Variants in WDR43 observed in about 807,000 individuals in gnomAD.
The protein encoded by WDR43 is WD repeat domain 43.
In WDR43, 13 loss-of-function variants were observed where a neutral mutation model predicts 91.4. The ratio of observed to expected loss-of-function variants is 0.14; its 90% CI spans 0.09 to 0.23. WDR43 has a LOEUF of 0.23. WDR43 is among the 10% of genes least tolerant of loss of function. WDR43 has a pLI of 1.00. For synonymous variants in WDR43, 331 were observed against 287.9 expected, an observed-to-expected ratio of 1.15 and a Z score of -1.51; for missense variants, 780 against 809.4, an observed-to-expected ratio of 0.96 and a Z score of 0.44.
intron 14 of WDR43, among the ~76,000 whole-genome samples, chr2:28,941,236 A>AT (rs974613232): frequency 2.0e-5 from 3 of 151,966 alleles, no homozygotes; most frequent in African/African-American, 4.8e-5. Flanking sequence ...CCCTTATATC[A>AT]TTTTTTTTAT....
chr2:28,907,820 C>A (rs1248778324), intron 3 of WDR43, among the ~76,000 whole-genome samples: 1 of 150,442 alleles, frequency 6.6e-6, no homozygotes. Context: ...AGGAGAATGG[C>A]GTGAACCCGG....
At chr2:28,934,284 G>A (rs1671299855) in intron 11 of WDR43, among the ~76,000 whole-genome samples, 2 of 152,046 alleles carry the variant, frequency 1.3e-5, no homozygotes, top group Admixed American at 6.6e-5. Context: ...GTGGAAGGAG[G>A]GATACATTTA....
intron 7 of WDR43, among the ~76,000 whole-genome samples, chr2:28,923,370 A>G (rs755712302): frequency 5.9e-5 from 9 of 152,182 alleles, no homozygotes; most frequent in Non-Finnish European, 1.0e-4. Flanking sequence ...CAGGTTGTGT[A>G]GCAGTCATAG....
intron 12 of WDR43, among the ~76,000 whole-genome samples, chr2:28,936,549 CTCTTTTAAAGTA>C: frequency 6.6e-6 from 1 of 152,214 alleles, no homozygotes; most frequent in South Asian, 2.1e-4. Flanking sequence ...TAAAATTTAA[CTCTTTTAAAGTA>C]TACATTTTAG....
intron 12 of WDR43, chr2:28,935,878 C>T: frequency 3.8e-6 from 1 of 266,558 alleles, no homozygotes. Flanking sequence ...GAACTTGTGG[C>T]ACAGAATGCT....
At chr2:28,938,219 G>A (rs1377384652) in intron 14 of WDR43, among the ~76,000 whole-genome samples, 2 of 151,918 alleles carry the variant, frequency 1.3e-5, no homozygotes, top group African/African-American at 4.8e-5. Flanking sequence ...TCTGCCCCCC[G>A]GATGTAAAAA....
chr2:28,929,668 T>A lies in WDR43; in HGVS notation c.1395T>A (p.Leu465=). 6.2e-7 allele frequency: 1 copy of A among 1,613,844 alleles called. No homozygotes were observed. Among genetic ancestry groups the A allele is most frequent in the East Asian group, 2.2e-5 (1 of 44,858 alleles). Residue 465 remains leucine, a synonymous_variant, in exon 11 of 18, where the codon CTT becomes CTA. Transcript: ENST00000407426. ...TCCAGACGAATAGCTTTCCAGTTCT[T>A]CTTACCCAGGGCTTAGAAAGTAACG... is the stretch of plus-strand genomic sequence containing the variant. ...EDLQTNSFPV[L]LTQGLESNDF...
intron 16 of WDR43, among the ~76,000 whole-genome samples, chr2:28,945,387 C>T (rs961741836): frequency 3.3e-5 from 5 of 152,174 alleles, no homozygotes; most frequent in Admixed American, 6.6e-5. Context: ...AAACTAGACT[C>T]GAGTTTTGCA....
chr2:28,927,463 C>A, intron 9 of WDR43, 106 bp from the exon 10 acceptor site: 3 of 1,295,860 alleles, frequency 2.3e-6, no homozygotes, highest in Non-Finnish European at 2.1e-6. Flanking sequence ...AATTATATTG[C>A]ATTTTTCCAA....
At chr2:28,920,787 C>G (rs1248214772) in intron 6 of WDR43, among the ~76,000 whole-genome samples, 1 of 151,996 alleles carries the variant, frequency 6.6e-6, no homozygotes, top group Admixed American at 6.5e-5. Context: ...AGCATTTCTT[C>G]TGTCTCAGCC....
intron 13 of WDR43, 114 bp downstream of exon 13, chr2:28,937,067 C>T (rs182426289): frequency 9.5e-6 from 9 of 945,372 alleles, no homozygotes; most frequent in African/African-American, 5.1e-5. Context: ...ATTAACCCCT[C>T]GCCACCTCCC....
At chr2:28,945,342 T>G (rs1254898670) in intron 16 of WDR43, among the ~76,000 whole-genome samples, 1 of 152,228 alleles carries the variant, frequency 6.6e-6, no homozygotes, top group Non-Finnish European at 1.5e-5. Flanking sequence ...CTTTCTCCAG[T>G]TATCCGTAAA....
chr2:28,920,553 G>A (rs1671004682), intron 6 of WDR43, among the ~76,000 whole-genome samples: 1 of 152,022 alleles, frequency 6.6e-6, no homozygotes, highest in Non-Finnish European at 1.5e-5. Flanking sequence ...TTATTTGTGT[G>A]TGTGCGATTT....
intron 3 of WDR43, among the ~76,000 whole-genome samples, chr2:28,907,289 T>C (rs1157849168): frequency 6.6e-6 from 1 of 152,088 alleles, no homozygotes; most frequent in African/African-American, 2.4e-5. Flanking sequence ...TCTTTTTAGT[T>C]CTGGTACAGT....
At chr2:28,926,638 C>A in intron 9 of WDR43, 84 bp downstream of exon 9, 1 of 1,211,012 alleles carries the variant, frequency 8.3e-7, no homozygotes, top group Non-Finnish European at 1.1e-6. Context: ...TATGATTAAA[C>A]TGAGTTTTTT....
chr2:28,902,155 A>C, intron 2 of WDR43, 31 bp downstream of exon 2: 1 of 1,526,958 alleles, frequency 6.5e-7, no homozygotes. Flanking sequence ...TTTAAAAGTG[A>C]TGTGACAGGG....
In WDR43 at chr2:28,926,530, C is replaced by T. The variant is rs373090159; in HGVS notation, c.1149C>T (p.Pro383=). 552 of 1,598,340 alleles carry T rather than the reference C, an allele frequency of 3.5e-4. No homozygotes were observed. The highest frequency in any genetic ancestry group is 4.4e-4 in the Non-Finnish European group (515 of 1,171,592). ...GAGATATTTCAAACTGCTGGGCCCC[C>T]AAAGTAGAAACAGCTATAACAAAGG... ...LVRDISNCWA[P]KVETAITKVR... The change falls in exon 9 of 18, where the codon CCC becomes CCT. Residue 383 remains proline (P), a synonymous_variant. Transcript: ENST00000407426.
chr2:28,946,663 G>A lies in WDR43; in HGVS notation c.1918G>A (p.Asp640Asn). The A allele has an allele frequency of 1.3e-5, 20 of 1,561,272 alleles. No individual in the cohort carries two copies. Among genetic ancestry groups the A allele is most frequent in the Non-Finnish European group, 1.6e-5 (19 of 1,151,984 alleles). ...SEKDEDVEEE[D>N]EDAEGKDEEN... ...AAAAGATGAGGACGTTGAAGAGGAAGATGAGGATGCCGAAGGAAAAGATGA... is the reference window on the plus strand; with the variant it reads ...AAAAGATGAGGACGTTGAAGAGGAAAATGAGGATGCCGAAGGAAAAGATGA... The change falls in exon 18 of 18, where the codon GAT becomes AAT. Residue 640 changes from aspartate to asparagine, a missense_variant. Physicochemically the swap from Asp to Asn is conservative, Grantham distance 23. Around this residue, in one of 4 missense-constraint regions of WDR43, gnomAD observed 426 missense variants for 467.8 expected, o/e 0.91. Coordinates refer to ENST00000407426, the MANE Select transcript of WDR43 (RefSeq NM_015131.3).
intron 6 of WDR43, among the ~76,000 whole-genome samples, chr2:28,918,818 G>T (rs1213458785): frequency 6.6e-6 from 1 of 152,176 alleles, no homozygotes; most frequent in Non-Finnish European, 1.5e-5. Context: ...CTGAAGCTTT[G>T]CAGGATTTTG....
Sources: allele counts gnomAD v4.1 joint callset (sites outside exome capture counted in the v4.1 genomes callset), GRCh38; gene constraint gnomAD v4.1.1; regional missense constraint gnomAD v4.1.1; transcripts MANE v1.5; gene names NCBI Gene and HGNC (gene_info 2026-07-23, HGNC 2026-07-21).